Variants in ARHGAP45 observed in about 807,000 individuals in gnomAD.
ARHGAP45 encodes rho GTPase-activating protein 45.
In ARHGAP45, 56 loss-of-function variants were observed where a neutral mutation model predicts 116.1. The ratio of observed to expected loss-of-function variants is 0.48; its 90% confidence interval spans 0.39 to 0.60. ARHGAP45 has a LOEUF of 0.60. Ranked by LOEUF, ARHGAP45 falls within the 20% of genes least tolerant of loss-of-function variation. ARHGAP45 has a pLI of 0.00. For missense variants in ARHGAP45, 1,622 were observed against 1,601.0 expected, an observed-to-expected ratio of 1.01 and a Z score of -0.22; for synonymous variants, 866 against 701.7, an observed-to-expected ratio of 1.23 and a Z score of -3.70.
rs754395835 is a variant in ARHGAP45, at chr19:1,081,719, G to A, written c.2360G>A (p.Arg787Gln). The part of the protein sequence containing the change: ...IVKKCVCEIE[R>Q]RALRTKGIYR... ...AAGAAGTGCGTCTGCGAGATCGAGC[G>A]GCGGGCGCTGCGCACCAAGGTGAGG... Residue 787 changes from arginine to glutamine, a missense_variant, in exon 18 of 23, where the codon CGG becomes CAG. Arg to Gln is a conservative substitution (Grantham distance 43). This residue lies in a region of ARHGAP45 where 1,334 missense variants were observed against 1,263.8 expected (regional missense o/e 1.06). Transcript: ENST00000313093. 4.5e-6 allele frequency: 7 copies of A among 1,571,778 alleles called. 1 individual carries two copies. The highest frequency in any genetic ancestry group is 3.4e-5 in the South Asian group (3 of 87,532).
chr19:1,068,371 G>A lies in ARHGAP45; in HGVS notation c.91-43G>A. 2.1e-6 allele frequency: 3 copies of A among 1,456,048 alleles called. No individual in the cohort carries two copies. In the East Asian group the frequency reaches 7.6e-5, roughly 37 times the overall value. 90.2% of individuals were successfully genotyped at this position (1,456,048 alleles called of 1,614,324 possible). On this transcript the variant is annotated intron_variant, in intron 1 of 22. Coordinates refer to ENST00000313093, the MANE Select transcript of ARHGAP45 (RefSeq NM_012292.5). The surrounding 1 kb of genome is among the most constrained non-coding windows in gnomAD (Gnocchi z 7.5). ...CTGGGGAAACTGAGGCCGTGTCCAG[G>A]CCGGAAAATCCCTTTAACGAGCTCC...
At chr19:1,084,374 CAAGG>C in intron 22 of ARHGAP45, 28 bp downstream of exon 22, 1 of 1,571,108 alleles carries the variant, frequency 6.4e-7, no homozygotes. Flanking sequence ...CGAACGGCCC[CAAGG>C]GAGGCTGGCG....
In ARHGAP45 at chr19:1,082,845, C is replaced by G. The variant is rs115553053; in HGVS notation, c.2523C>G (p.Pro841=). 27 of 1,501,944 alleles carry G rather than the reference C, an allele frequency of 1.8e-5. No homozygotes were observed. The highest frequency in any genetic ancestry group is 9.4e-5 in the Admixed American group (4 of 42,778). The allele number at this position is 1,501,944 out of a possible 1,614,324, so 93.0% of individuals were successfully genotyped here. A position where few individuals can be genotyped will look rare whatever the true frequency, so the allele number is the denominator to read the frequency against. The change falls in exon 20 of 23, where the codon CCC becomes CCG. Residue 841 remains proline (P), a synonymous_variant. Coordinates refer to ENST00000313093, the MANE Select transcript of ARHGAP45 (RefSeq NM_012292.5). ...TGACCCTTGACTCTGCGCAGCTTCC[C>G]GAGCCGCTCATCTCCTTCCGCCTCT... The part of the protein sequence containing the change: ...NVLKLYLRQL[P]EPLISFRLYH...
rs1297725799 is a variant in ARHGAP45 at position 1,073,246 on chromosome 19, C to T, written c.519C>T (p.Thr173=). The change falls in exon 3 of 23, where the codon ACC becomes ACT. Residue 173 remains threonine, a synonymous_variant. Coordinates refer to ENST00000313093, the MANE Select transcript of ARHGAP45 (RefSeq NM_012292.5). ...QIISKYPLLN[T]VETLTAAGTL... ...TCTCCAAGTACCCGCTGCTGAACACCGTGGAGACGCTCACCGCAGCCGGCA... is the reference window on the plus strand; with the variant it reads ...TCTCCAAGTACCCGCTGCTGAACACTGTGGAGACGCTCACCGCAGCCGGCA... The T allele has an allele frequency of 3.7e-6, 6 of 1,613,556 alleles. No homozygotes were observed. Among genetic ancestry groups the T allele is most frequent in the Middle Eastern group, 1.6e-4 (1 of 6,080 alleles).
At chr19:1,074,064 G>A (rs963478621) in intron 6 of ARHGAP45, 40 bp from the exon 7 acceptor site, 2 of 1,605,468 alleles carry the variant, frequency 1.2e-6, no homozygotes, top group South Asian at 1.1e-5. Context: ...GGGCCATTGC[G>A]CGGGTCGGGC....
At position 1,080,426 on chromosome 19, in the gene ARHGAP45, C is replaced by T. The variant is rs373949119; in HGVS notation, c.1829-38C>T. ...GGGGCGGACGCTGGCTCCCTGCGAC[C>T]CACCCTGGCCCTTCACCAGAGACGC... On this transcript the variant is annotated intron_variant, in intron 14 of 22. Transcript: ENST00000313093. 6 of 1,610,740 alleles carry T rather than the reference C, an allele frequency of 3.7e-6. No homozygotes were observed. In the African/African-American group the frequency reaches 8.0e-5, roughly 22 times the overall value.
rs1293582220 is a variant in ARHGAP45, at chr19:1,077,831, T to G, written c.1186-26T>G. On this transcript the variant is annotated intron_variant, in intron 10 of 22. Coordinates refer to ENST00000313093, the MANE Select transcript of ARHGAP45 (RefSeq NM_012292.5). ...TCCCATCCGAGGATAGGGTTGGAAC[T>G]GGCCTCCTGGCTCCCACACCCACAG... The G allele has an allele frequency of 3.2e-6, 5 of 1,551,026 alleles. No homozygotes were observed. The African/African-American group carries it at 6.8e-5, about 21-fold the overall frequency.
Position 1,080,927 on chromosome 19 carries a change from G to C in ARHGAP45, c.2053G>C (p.Ala685Pro). ...LNGMTPELPV[A>P]VPSGPFRHEG... ...CGGCATGACCCCCGAGCTGCCGGTG[G>C]CCGTGCCCAGTGGACCGTTCCGCCA... The change falls in exon 17 of 23, where the codon GCC (alanine) becomes CCC (proline). Residue 685 changes from alanine to proline, a missense_variant. By Grantham distance (27) the Ala-to-Pro change is conservative. Transcript: ENST00000313093. 1 of 1,609,388 alleles carries C rather than the reference G, an allele frequency of 6.2e-7. No individual in the cohort carries two copies. The highest frequency in any genetic ancestry group is 8.5e-7 in the Non-Finnish European group (1 of 1,178,286).
At position 1,071,365 on chromosome 19, in the gene ARHGAP45, G is replaced by T. The variant is rs1393178030; in HGVS notation, c.422-1784G>T. 1.5e-6 allele frequency: 2 copies of T among 1,309,758 alleles called. No individual in the cohort carries two copies. Among genetic ancestry groups the T allele is most frequent in the Non-Finnish European group, 1.9e-6 (2 of 1,031,362 alleles). 81.1% of individuals were successfully genotyped at this position (1,309,758 alleles called of 1,614,324 possible). A position where few individuals can be genotyped will look rare whatever the true frequency, so the allele number is the denominator to read the frequency against. ...TGCCGGGCGGGCCCCCGAGGTGAGG[G>T]GACAGGTGCCGGGCGCTGGGTCCCG... is the stretch of plus-strand genomic sequence containing the variant. On this transcript the variant is annotated intron_variant, in intron 2 of 22. Transcript: ENST00000313093. The surrounding 1 kb of genome is among the most constrained non-coding windows in gnomAD (Gnocchi z 4.6).
At chr19:1,078,427 G>A (rs2043328786) in intron 11 of ARHGAP45, among the ~76,000 whole-genome samples, 1 of 149,990 alleles carries the variant, frequency 6.7e-6, no homozygotes, top group Non-Finnish European at 1.5e-5. Context: ...ATAGGCATGA[G>A]CCACTGCGCC....
At chr19:1,078,203 G>T (rs903865350) in intron 11 of ARHGAP45, among the ~76,000 whole-genome samples, 158 bp downstream of exon 11, 3 of 151,820 alleles carry the variant, frequency 2.0e-5, no homozygotes, top group Non-Finnish European at 4.4e-5. Flanking sequence ...GAGTGCAGTG[G>T]CACAGTCTCG....
intron 11 of ARHGAP45, among the ~76,000 whole-genome samples, chr19:1,079,384 C>T (rs890819767): frequency 6.7e-6 from 1 of 149,120 alleles, no homozygotes; most frequent in African/African-American, 2.5e-5. Context: ...TGGGGGGCAC[C>T]TGTAATCCGT....
upstream of ARHGAP45, chr19:1,066,378 C>A: frequency 1.7e-6 from 1 of 577,334 alleles, no homozygotes; most frequent in East Asian, 2.9e-5. Context: ...GCAACGGGTG[C>A]CTGCGTCCTG....
At chr19:1,073,436 G>A (rs994362463) in intron 3 of ARHGAP45, 70 bp from the exon 4 acceptor site, 30 of 1,571,458 alleles carry the variant, frequency 1.9e-5, no homozygotes, top group African/African-American at 9.5e-5. Context: ...TAAGGGCTCC[G>A]GTCAGTTCTT....
chr19:1,071,420 C>T lies in ARHGAP45; in HGVS notation c.422-1729C>T. ...GTCCGGGAGCACGTGGCGCTCGGGC[C>T]GTTTGCCGCCCGCGGTGGGGGAGCA... On this transcript the variant is annotated intron_variant, in intron 2 of 22. Transcript: ENST00000313093. This position sits in a 1 kb window ranked among gnomAD's most constrained non-coding sequence, Gnocchi z 4.6. 3.6e-6 allele frequency: 4 copies of T among 1,099,900 alleles called. No individual in the cohort carries two copies. Among genetic ancestry groups the T allele is most frequent in the South Asian group, 4.2e-5 (1 of 23,532 alleles). The allele number at this position is 1,099,900 out of a possible 1,614,324, so 68.1% of individuals were successfully genotyped here.
In ARHGAP45 at chr19:1,071,221, C is replaced by T; in HGVS notation, c.422-1928C>T. The stretch of plus-strand genomic sequence containing the variant: ...GACCGGCCGGAGCCGGTTTGGCCAC[C>T]GGAGACCCCCATCGGTCAGCTGCCA... On this transcript the variant is annotated intron_variant, in intron 2 of 22. Transcript: ENST00000313093. This position sits in a 1 kb window ranked among gnomAD's most constrained non-coding sequence, Gnocchi z 4.6. 2.8e-6 allele frequency: 4 copies of T among 1,441,876 alleles called. No individual in the cohort carries two copies. The highest frequency in any genetic ancestry group is 3.6e-6 in the Non-Finnish European group (4 of 1,099,574). The allele number at this position is 1,441,876 out of a possible 1,614,324, so 89.3% of individuals were successfully genotyped here.
intron 1 of ARHGAP45, chr19:1,067,761 G>A: frequency 1.5e-6 from 1 of 658,196 alleles, no homozygotes; most frequent in South Asian, 1.6e-5. Context: ...GAGGGTGCCG[G>A]GTTGGGACGA....
intron 22 of ARHGAP45, among the ~76,000 whole-genome samples, chr19:1,085,005 C>T (rs986576368): frequency 1.3e-5 from 2 of 152,118 alleles, no homozygotes; most frequent in East Asian, 1.9e-4. Context: ...TCACTTGAAC[C>T]GGGGAGGCAG....
rs1412105939 is a variant in ARHGAP45 at position 1,084,484 on chromosome 19, A to G, written c.3064+138A>G. ...TCTGTGGATTTCGTCTGCCACGGAG[A>G]CCACACCTATGAGCTACTCATTCAG... On this transcript the variant is annotated intron_variant, in intron 22 of 22. Coordinates refer to ENST00000313093, the MANE Select transcript of ARHGAP45 (RefSeq NM_012292.5). 4 of 637,992 alleles carry G rather than the reference A, an allele frequency of 6.3e-6. No homozygotes were observed. In the East Asian group the frequency reaches 1.2e-4, roughly 18 times the overall value. 39.5% of individuals were successfully genotyped at this position (637,992 alleles called of 1,614,324 possible).
Sources: allele counts gnomAD v4.1 joint callset (sites outside exome capture counted in the v4.1 genomes callset), GRCh38; gene constraint gnomAD v4.1.1; regional missense constraint gnomAD v4.1.1; non-coding constraint Gnocchi (gnomAD v3.1); transcripts MANE v1.5; gene names NCBI Gene and HGNC (gene_info 2026-07-23, HGNC 2026-07-21).